Variants in PLXDC2 observed in about 807,000 individuals in gnomAD.
The protein encoded by PLXDC2 is plexin domain-containing protein 2.
PLXDC2 carries 40 observed loss-of-function variants against 68.9 expected under a neutral mutation model. The ratio of observed to expected loss-of-function variants is 0.58; its 90% CI spans 0.45 to 0.76. PLXDC2 has a LOEUF of 0.76. PLXDC2 is among the 30% of genes least tolerant of loss of function. The pLI is 0.00. For missense variants in PLXDC2, 644 were observed against 661.9 expected (o/e 0.97, Z 0.30); for synonymous variants, 243 against 234.2 (o/e 1.04, Z -0.34).
intron 1 of PLXDC2, among the ~76,000 whole-genome samples, chr10:19,835,261 G>C (rs1387257792): frequency 6.6e-6 from 1 of 152,158 alleles, no homozygotes; most frequent in Non-Finnish European, 1.5e-5. Context: ...GACAAACTCA[G>C]ATGGGCTCTT....
chr10:19,899,554 C>T (rs1020820802), intron 1 of PLXDC2, among the ~76,000 whole-genome samples: 3 of 152,040 alleles, frequency 2.0e-5, no homozygotes, highest in Non-Finnish European at 4.4e-5. Flanking sequence ...CAGAAAGGAC[C>T]TTTGAAGCTT....
intron 1 of PLXDC2, among the ~76,000 whole-genome samples, chr10:19,986,662 T>G (rs374266124): frequency 7.6e-4 from 115 of 152,216 alleles, no homozygotes; most frequent in African/African-American, 2.7e-3. Flanking sequence ...AGAGCAGTGT[T>G]TTGGGAGTTG....
intron 4 of PLXDC2, among the ~76,000 whole-genome samples, chr10:20,110,672 C>G (rs985781106): frequency 6.6e-6 from 1 of 152,198 alleles, no homozygotes; most frequent in African/African-American, 2.4e-5. Context: ...CTTGTGCCCC[C>G]ACACTGTTCC....
intron 1 of PLXDC2, among the ~76,000 whole-genome samples, chr10:19,898,004 C>G (rs1275104276): frequency 2.0e-5 from 3 of 152,082 alleles, no homozygotes; most frequent in South Asian, 2.1e-4. Flanking sequence ...ACATCAAACT[C>G]ATTAAGAAAT....
chr10:20,105,467 G>A (rs1015581844), intron 4 of PLXDC2, among the ~76,000 whole-genome samples: 5 of 141,656 alleles, frequency 3.5e-5, no homozygotes, highest in African/African-American at 1.5e-4. Flanking sequence ...AATGACATAT[G>A]CATTAAAAAG....
chr10:19,873,695 C>A (rs1837584467), intron 1 of PLXDC2, among the ~76,000 whole-genome samples: 1 of 152,110 alleles, frequency 6.6e-6, no homozygotes, highest in Non-Finnish European at 1.5e-5. Flanking sequence ...TGTAAAATAT[C>A]TTATAAAACG....
intron 1 of PLXDC2, among the ~76,000 whole-genome samples, chr10:19,948,871 G>A (rs756732662): frequency 3.3e-5 from 5 of 151,826 alleles, no homozygotes; most frequent in South Asian, 2.1e-4. Context: ...TTGGCCGGGC[G>A]CGGTGGCTCA....
At chr10:19,868,510 G>A (rs569489584) in intron 1 of PLXDC2, among the ~76,000 whole-genome samples, 1 of 152,270 alleles carries the variant, frequency 6.6e-6, no homozygotes, top group South Asian at 2.1e-4. Context: ...TGATCAAAAT[G>A]TAATGTAGTT....
intron 6 of PLXDC2, among the ~76,000 whole-genome samples, chr10:20,151,658 A>G (rs1352245200): frequency 6.6e-6 from 1 of 152,178 alleles, no homozygotes; most frequent in African/African-American, 2.4e-5. Flanking sequence ...GCTGTTTAAC[A>G]ATCTTGCTTA....
chr10:20,011,467 T>G (rs1451799613), intron 2 of PLXDC2, among the ~76,000 whole-genome samples: 1 of 152,182 alleles, frequency 6.6e-6, no homozygotes, highest in African/African-American at 2.4e-5. Context: ...AAAAACGTCA[T>G]CCACCAGCGC....
intron 1 of PLXDC2, among the ~76,000 whole-genome samples, chr10:19,949,500 T>C (rs577934962): frequency 6.6e-6 from 1 of 152,334 alleles, no homozygotes; most frequent in East Asian, 1.9e-4. Flanking sequence ...AGATCAGAGA[T>C]GCACCTTTAA....
At chr10:19,946,902 C>T (rs976977829) in intron 1 of PLXDC2, among the ~76,000 whole-genome samples, 2 of 152,048 alleles carry the variant, frequency 1.3e-5, no homozygotes, top group Non-Finnish European at 2.9e-5. Context: ...GGAGTAGCTG[C>T]AGATACAGAT....
In PLXDC2 at chr10:19,817,005, C is replaced by G; in HGVS notation, c.-75C>G. The G allele has an allele frequency of 9.0e-7, 1 of 1,110,190 alleles. No individual in the cohort carries two copies. The highest frequency in any genetic ancestry group is 2.0e-5 in the Admixed American group (1 of 48,866). The allele number at this position is 1,110,190 out of a possible 1,614,324, so 68.8% of individuals were successfully genotyped here. The stretch of plus-strand genomic sequence containing the variant: ...ACCGATCCGCAGCGTTTGGCCCGGT[C>G]GTGCCTATTGCATCGGGAGCCCCCG... On this transcript the variant is annotated 5_prime_UTR_variant, in exon 1 of 14. Coordinates refer to ENST00000377252, the MANE Select transcript of PLXDC2 (RefSeq NM_032812.9).
chr10:19,846,948 A>G (rs1837021061), intron 1 of PLXDC2, among the ~76,000 whole-genome samples: 1 of 152,152 alleles, frequency 6.6e-6, no homozygotes, highest in African/African-American at 2.4e-5. Flanking sequence ...GCAGCGGGCA[A>G]GAGAGAGCGT....
chr10:20,188,398 A>T (rs1834715025), intron 9 of PLXDC2, among the ~76,000 whole-genome samples: 1 of 151,678 alleles, frequency 6.6e-6, no homozygotes, highest in African/African-American at 2.4e-5. Context: ...CATAATATTA[A>T]TATTAATACA....
At chr10:20,022,631 C>T (rs1035416133) in intron 2 of PLXDC2, among the ~76,000 whole-genome samples, 4 of 151,838 alleles carry the variant, frequency 2.6e-5, no homozygotes, top group African/African-American at 7.3e-5. Flanking sequence ...AAACTCCCTC[C>T]TCTACACGCT....
intron 1 of PLXDC2, among the ~76,000 whole-genome samples, chr10:19,934,363 G>A (rs74711643): frequency 0.065 from 9,965 of 152,276 alleles, 397 homozygotes; most frequent in African/African-American, 0.11. Context: ...AGGAAAGGAA[G>A]AAGCTAATAT....
chr10:20,041,867 A>G (rs1236429344), intron 2 of PLXDC2, among the ~76,000 whole-genome samples: 1 of 152,174 alleles, frequency 6.6e-6, no homozygotes, highest in Non-Finnish European at 1.5e-5. Context: ...AAGAGAGGGA[A>G]GGAGAGAAAA....
At chr10:19,844,166 TTC>T (rs2131320386) in intron 1 of PLXDC2, among the ~76,000 whole-genome samples, 1 of 152,326 alleles carries the variant, frequency 6.6e-6, no homozygotes, top group South Asian at 2.1e-4. Context: ...TTACCTCAAT[TTC>T]TCTCTTGCAG....
Sources: gnomAD v4.1 joint callset for allele counts (sites outside exome capture counted in the v4.1 genomes callset) on GRCh38, gnomAD v4.1.1 for gene constraint, MANE v1.5 for transcripts, NCBI Gene and HGNC (gene_info 2026-07-23, HGNC 2026-07-21) for gene names.